The following VPS50 variants were observed in gnomAD, a reference collection of about 807,000 sequenced individuals.
The protein encoded by VPS50 is syndetin.
In VPS50, 70 loss-of-function variants were observed where a neutral mutation model predicts 139.7. The observed-to-expected ratio is 0.50, with a 90% confidence interval of 0.41 to 0.61. The LOEUF (loss-of-function observed/expected upper bound fraction) is 0.61. Among genes scored for constraint, VPS50 ranks in the 20% least tolerant of loss-of-function variants. The probability of loss-of-function intolerance (pLI) is 0.00; values close to 1 mark genes in which losing one functional copy is unlikely to be tolerated. For synonymous variants in VPS50, 365 were observed against 376.7 expected, an observed-to-expected ratio of 0.97 and a Z score of 0.36; for missense variants, 921 against 1,133.7, an observed-to-expected ratio of 0.81 and a Z score of 2.69.
chr7:93,252,992 C>G (rs1429759732), intron 3 of VPS50, among the ~76,000 whole-genome samples: 1 of 152,042 alleles, frequency 6.6e-6, no homozygotes, highest in East Asian at 1.9e-4. Context: ...GGAAACATTT[C>G]TGTATTTTTG....
intron 25 of VPS50, among the ~76,000 whole-genome samples, chr7:93,350,897 G>T (rs1798537479): frequency 6.6e-6 from 1 of 152,124 alleles, no homozygotes; most frequent in African/African-American, 2.4e-5. Flanking sequence ...TTTTGTAAAT[G>T]AAAAGAAAAT....
At chr7:93,314,638 C>G (rs1000850285) in intron 20 of VPS50, among the ~76,000 whole-genome samples, 1 of 152,008 alleles carries the variant, frequency 6.6e-6, no homozygotes, top group Non-Finnish European at 1.5e-5. Context: ...TAAGAACTGC[C>G]GACAACAACA....
intron 2 of VPS50, among the ~76,000 whole-genome samples, chr7:93,249,308 GAGAGAGAGAGAGAA>G (rs1157024551): frequency 6.6e-6 from 1 of 151,840 alleles, no homozygotes; most frequent in Admixed American, 6.6e-5. Flanking sequence ...GAGACACAGA[GAGAGAGAGAGAGAA>G]AGAGAGAGAG....
chr7:93,325,612 C>T (rs1238582407), intron 21 of VPS50, among the ~76,000 whole-genome samples: 7 of 152,038 alleles, frequency 4.6e-5, no homozygotes, highest in Admixed American at 4.6e-4. Context: ...AAGAAAAAAA[C>T]AACCCCATCA....
intron 27 of VPS50, among the ~76,000 whole-genome samples, chr7:93,357,553 A>G (rs1300649119): frequency 7.9e-5 from 12 of 152,162 alleles, no homozygotes; most frequent in Non-Finnish European, 2.9e-5. Context: ...TTTAAAATCA[A>G]TTCTTTCTCC....
At chr7:93,321,630 T>C (rs1797616023) in intron 20 of VPS50, among the ~76,000 whole-genome samples, 1 of 152,256 alleles carries the variant, frequency 6.6e-6, no homozygotes, top group Non-Finnish European at 1.5e-5. Context: ...TTGAATTTTC[T>C]TTTCAAGGTG....
At chr7:93,334,446 A>G (rs1480333041) in intron 22 of VPS50, among the ~76,000 whole-genome samples, 2 of 152,162 alleles carry the variant, frequency 1.3e-5, no homozygotes, top group African/African-American at 2.4e-5. Context: ...TATGTGAAAA[A>G]CTAATATCAG....
At chr7:93,265,642 G>T (rs1183140919) in intron 9 of VPS50, among the ~76,000 whole-genome samples, 1 of 152,138 alleles carries the variant, frequency 6.6e-6, no homozygotes, top group Non-Finnish European at 1.5e-5. Context: ...TCGGTTCACT[G>T]CAACCTCTGC....
intron 12 of VPS50, among the ~76,000 whole-genome samples, chr7:93,285,729 G>C (rs1043537965): frequency 6.6e-6 from 1 of 152,198 alleles, no homozygotes; most frequent in African/African-American, 2.4e-5. Context: ...AAGTGTTACT[G>C]TGAACTGACA....
At chr7:93,292,406 GTATT>G (rs1447484596) in intron 13 of VPS50, among the ~76,000 whole-genome samples, 1 of 151,914 alleles carries the variant, frequency 6.6e-6, no homozygotes, top group Non-Finnish European at 1.5e-5. Context: ...AAAAATTATT[GTATT>G]TATTAATCAT....
chr7:93,321,074 T>C (rs1797600983), intron 20 of VPS50: 1 of 152,220 alleles, frequency 6.6e-6, no homozygotes, highest in African/African-American at 2.4e-5. Flanking sequence ...TTTGTTTGCA[T>C]ATTGTCTGTC....
Position 93,308,830 on chromosome 7 carries a change from T to C in VPS50, c.1636T>C (p.Ser546Pro). ...TAACCTGTGTTTTCTTCAGTATGAA[T>C]CTGATGAACAAGAAAAGAGTGCCTA... ...EDVLASNGYE[S>P]DEQEKSAYQE... The change falls in exon 19 of 28, where the codon TCT (serine) becomes CCT (proline). Residue 546 changes from serine (S) to proline (P), a missense_variant. Ser to Pro is a moderately conservative substitution (Grantham distance 74). This residue lies in a region of VPS50 where 744 missense variants were observed against 930.6 expected (regional missense o/e 0.80). Transcript: ENST00000305866. 2 of 1,573,152 alleles carry C rather than the reference T, an allele frequency of 1.3e-6. No individual in the cohort carries two copies. Among genetic ancestry groups the C allele is most frequent in the Non-Finnish European group, 1.7e-6 (2 of 1,144,048 alleles).
intron 12 of VPS50, among the ~76,000 whole-genome samples, chr7:93,287,447 G>A (rs545484156): frequency 1.8e-3 from 274 of 150,008 alleles, no homozygotes; most frequent in African/African-American, 6.4e-3. Flanking sequence ...AAATAAATAG[G>A]CATATAATGA....
chr7:93,357,010 A>G (rs887222628), intron 27 of VPS50, among the ~76,000 whole-genome samples: 1 of 152,178 alleles, frequency 6.6e-6, no homozygotes, highest in Non-Finnish European at 1.5e-5. Context: ...CAAAGTAGGA[A>G]TGTATGTGTT....
chr7:93,322,548 C>G (rs996660137), intron 20 of VPS50, among the ~76,000 whole-genome samples: 1 of 137,504 alleles, frequency 7.3e-6, no homozygotes, highest in African/African-American at 2.8e-5. Flanking sequence ...TGCAGTGAGC[C>G]GAGATCGCGC....
At chr7:93,276,372 CTTGGTACATACCTAT>C (rs1562864497) in intron 12 of VPS50, 67 bp downstream of exon 12, 1 of 1,525,032 alleles carries the variant, frequency 6.6e-7, no homozygotes, top group Admixed American at 1.9e-5. Context: ...TTTCCTTTAT[CTTGGTACATACCTAT>C]TTGAAAATGC....
At chr7:93,284,291 T>C (rs1796416776) in intron 12 of VPS50, among the ~76,000 whole-genome samples, 1 of 152,172 alleles carries the variant, frequency 6.6e-6, no homozygotes, top group African/African-American at 2.4e-5. Context: ...ACTGCCTTTT[T>C]TTGTGTGATC....
chr7:93,288,988 A>G, intron 12 of VPS50, among the ~76,000 whole-genome samples: 1 of 152,118 alleles, frequency 6.6e-6, no homozygotes, highest in South Asian at 2.1e-4. Flanking sequence ...TTTTTCAAGT[A>G]CATTGGCAGC....
At chr7:93,306,380 G>A (rs1444315240) in intron 18 of VPS50, among the ~76,000 whole-genome samples, 1 of 151,818 alleles carries the variant, frequency 6.6e-6, no homozygotes, top group Non-Finnish European at 1.5e-5. Context: ...CACCCTTTAT[G>A]GGTCACTGAT....
Sources: allele counts gnomAD v4.1 joint callset (sites outside exome capture counted in the v4.1 genomes callset), GRCh38; gene constraint gnomAD v4.1.1; regional missense constraint gnomAD v4.1.1; transcripts MANE v1.5; gene names NCBI Gene and HGNC (gene_info 2026-07-23, HGNC 2026-07-21).